Variants in ATP11A observed in about 807,000 individuals in gnomAD.
ATP11A encodes ATPase phospholipid transporting 11A.
Under a neutral mutation model 154.4 loss-of-function variants are expected in ATP11A, and 81 were observed. The ratio of observed to expected loss-of-function variants is 0.52; its 90% CI spans 0.44 to 0.63. The LOEUF (loss-of-function observed/expected upper bound fraction) is 0.63. Among genes scored for constraint, ATP11A ranks in the 30% least tolerant of loss-of-function variants. ATP11A has a pLI of 0.00. For missense variants in ATP11A, 1,316 were observed against 1,474.3 expected (o/e 0.89, Z 1.76); for synonymous variants, 623 against 585.9 (o/e 1.06, Z -0.91).
intron 1 of ATP11A, among the ~76,000 whole-genome samples, chr13:112,757,991 A>T (rs763229364): frequency 1.3e-5 from 2 of 152,232 alleles, no homozygotes; most frequent in Non-Finnish European, 2.9e-5. Flanking sequence ...AGTCCACGCC[A>T]CATGCACGAG....
intron 16 of ATP11A, among the ~76,000 whole-genome samples, chr13:112,842,009 A>G (rs2079435346): frequency 6.6e-6 from 1 of 152,240 alleles, no homozygotes; most frequent in Non-Finnish European, 1.5e-5. Context: ...TTCCCAGAGA[A>G]AAAACAGAGT....
intron 1 of ATP11A, chr13:112,747,422 C>T (rs1892291562): frequency 6.6e-6 from 1 of 152,270 alleles, no homozygotes; most frequent in African/African-American, 2.4e-5. Context: ...AACATGTCTT[C>T]AGCCAGCGTG....
chr13:112,866,906 T>C lies in ATP11A; in HGVS notation c.2991+4331T>C, dbSNP rs73571031. 3.4e-3 allele frequency among the ~76,000 whole-genome samples: 516 copies of C among 152,336 alleles called. 1 individual carries two copies. Among genetic ancestry groups the C allele is most frequent in the African/African-American group, 0.012 (491 of 41,586 alleles). On this transcript the variant is annotated intron_variant, in intron 25 of 29. Coordinates refer to ENST00000375645, the MANE Select transcript of ATP11A (RefSeq NM_015205.3). The stretch of plus-strand genomic sequence containing the variant: ...ACTGTTTTAAAAGCTTTAAGTTTTC[T>C]AGAACTTATTCTTTGTCTTCATTTA...
chr13:112,846,039 C>G (rs935569865), intron 17 of ATP11A, among the ~76,000 whole-genome samples: 1 of 152,194 alleles, frequency 6.6e-6, no homozygotes, highest in Non-Finnish European at 1.5e-5. Flanking sequence ...CCGATGTGTC[C>G]TTTTCTCCTG....
rs989883670 is a variant in ATP11A, at chr13:112,850,034, A to G, written c.1810-1003A>G. ...GACTTCTTCAACTCCCCCTTTCCCAACTTCTGGCTTTTGAGAGCTCAAGGG... is the reference window on the plus strand; with the variant it reads ...GACTTCTTCAACTCCCCCTTTCCCAGCTTCTGGCTTTTGAGAGCTCAAGGG... On this transcript the variant is annotated intron_variant, in intron 17 of 29. Transcript: ENST00000375645. 4.6e-5 allele frequency among the ~76,000 whole-genome samples: 7 copies of G among 152,116 alleles called. No homozygotes were observed. In the South Asian group the frequency reaches 1.2e-3, roughly 27 times the overall value.
chr13:112,827,918 T>C (rs771419250), intron 12 of ATP11A, among the ~76,000 whole-genome samples: 80 of 152,382 alleles, frequency 5.2e-4, no homozygotes, highest in East Asian at 1.9e-4. Context: ...ATTGTTTGAG[T>C]CAGCAATGCG....
chr13:112,802,033 G>A (rs559900371), intron 2 of ATP11A, among the ~76,000 whole-genome samples: 1 of 152,304 alleles, frequency 6.6e-6, no homozygotes, highest in East Asian at 1.9e-4. Context: ...TCAAGACAGT[G>A]TGGTGTTGCT....
intron 24 of ATP11A, among the ~76,000 whole-genome samples, chr13:112,861,807 A>G (rs2080110351): frequency 6.6e-6 from 1 of 152,158 alleles, no homozygotes; most frequent in Non-Finnish European, 1.5e-5. Context: ...GGGAGAAGAT[A>G]TACTGTTCTA....
rs545543949 is a variant in ATP11A, at chr13:112,858,150, A to C, written c.2527A>C (p.Ile843Leu). 4 of 1,613,334 alleles carry C rather than the reference A, an allele frequency of 2.5e-6. No homozygotes were observed. Among genetic ancestry groups the C allele is most frequent in the Non-Finnish European group, 3.4e-6 (4 of 1,179,692 alleles). Residue 843 changes from isoleucine to leucine, a missense_variant, in exon 22 of 30, where the codon ATC (isoleucine) becomes CTC (leucine). Coordinates refer to ENST00000375645, the MANE Select transcript of ATP11A (RefSeq NM_015205.3). ...ILEAHVGIGV[I>L]GKEGRQAARN... is the part of the protein sequence containing the mutation. ...CCTTCACCTCCGTCTTCTAGGTGTC[A>C]TCGGCAAGGAAGGCCGCCAGGCTGC...
intron 18 of ATP11A, 51 bp from the exon 19 acceptor site, chr13:112,854,228 T>G (rs748235782): frequency 2.5e-6 from 4 of 1,577,974 alleles, no homozygotes; most frequent in Non-Finnish European, 3.4e-6. Flanking sequence ...TTTGGATTCC[T>G]GGGTCAGCAC....
chr13:112,794,283 T>A (rs888753139), intron 2 of ATP11A, among the ~76,000 whole-genome samples: 1 of 152,168 alleles, frequency 6.6e-6, no homozygotes. Flanking sequence ...TTTTTACAAT[T>A]CAACAACGAT....
At chr13:112,712,880 G>C (rs143106442) in intron 1 of ATP11A, among the ~76,000 whole-genome samples, 1 of 152,222 alleles carries the variant, frequency 6.6e-6, no homozygotes, top group Non-Finnish European at 1.5e-5. Flanking sequence ...AACACAAAGC[G>C]TATGAAAGTG....
chr13:112,770,038 C>G (rs1363231746), intron 1 of ATP11A, among the ~76,000 whole-genome samples: 1 of 152,226 alleles, frequency 6.6e-6, no homozygotes, highest in Admixed American at 6.5e-5. Context: ...CTGCACCCCC[C>G]AATCCTGGAC....
At chr13:112,803,229 T>C (rs2078185866) in intron 2 of ATP11A, among the ~76,000 whole-genome samples, 1 of 152,228 alleles carries the variant, frequency 6.6e-6, no homozygotes, top group Non-Finnish European at 1.5e-5. Flanking sequence ...CGCACATGGA[T>C]TTCCTCTGAA....
intron 17 of ATP11A, among the ~76,000 whole-genome samples, chr13:112,848,404 G>A (rs963181101): frequency 3.2e-4 from 49 of 151,784 alleles, no homozygotes; most frequent in African/African-American, 8.7e-4. Flanking sequence ...ACTAGTTTTC[G>A]TGTGTTGACT....
At chr13:112,774,568 T>C (rs2077301193) in intron 1 of ATP11A, among the ~76,000 whole-genome samples, 1 of 152,198 alleles carries the variant, frequency 6.6e-6, no homozygotes, top group African/African-American at 2.4e-5. Context: ...ACAAAAGACG[T>C]GTACCAGATC....
intron 1 of ATP11A, among the ~76,000 whole-genome samples, chr13:112,738,062 T>C (rs1891172355): frequency 6.6e-6 from 1 of 152,206 alleles, no homozygotes; most frequent in Non-Finnish European, 1.5e-5. Context: ...CAAAGCTCTT[T>C]GCCTCGGGTT....
chr13:112,819,979 C>T (rs376895647), intron 8 of ATP11A, 29 bp downstream of exon 8: 35 of 1,557,126 alleles, frequency 2.2e-5, no homozygotes, highest in Admixed American at 1.3e-4. Flanking sequence ...GCCTTGGCCA[C>T]GGTCACCTCC....
At chr13:112,757,915 G>A (rs1395376193) in intron 1 of ATP11A, among the ~76,000 whole-genome samples, 1 of 152,158 alleles carries the variant, frequency 6.6e-6, no homozygotes, top group Non-Finnish European at 1.5e-5. Context: ...CTGTGTTAGG[G>A]GAGCCAGGGG....
Sources: allele counts gnomAD v4.1 joint callset (sites outside exome capture counted in the v4.1 genomes callset), GRCh38; gene constraint gnomAD v4.1.1; transcripts MANE v1.5; gene names NCBI Gene and HGNC (gene_info 2026-07-23, HGNC 2026-07-21).